FEM1A: variants seen among roughly 807,000 people sequenced by gnomAD.
FEM1A encodes fem-1 homolog A, also known as protein fem-1 homolog A.
FEM1A carries 1 observed loss-of-function variant against 0.7 expected under a neutral mutation model. The ratio of observed to expected loss-of-function variants is 1.35; its 90% CI spans 0.48 to 6.40. The LOEUF (loss-of-function observed/expected upper bound fraction) is 6.40, where lower values mean the gene tolerates loss of function less well. FEM1A is among the 30% of genes most tolerant of loss of function. The probability of loss-of-function intolerance (pLI) is 0.14; values close to 1 mark genes in which losing one functional copy is unlikely to be tolerated. For missense variants in FEM1A, 721 were observed against 918.7 expected (o/e 0.78, Z 2.78); for synonymous variants, 391 against 420.6 (o/e 0.93, Z 0.86).
At position 4,796,042 on chromosome 19, in the gene FEM1A, A is replaced by C. The variant is rs2093560707; in HGVS notation, c.*2178A>C. Reference sequence around the variant, plus strand: ...TTGTGTAAAATTTCATTTGAAAAACAGTATGTTGCTCTTTGAAAAAAAGCC... The same window carrying C: ...TTGTGTAAAATTTCATTTGAAAAACCGTATGTTGCTCTTTGAAAAAAAGCC... On this transcript the variant is annotated 3_prime_UTR_variant, in exon 1 of 1. Coordinates refer to ENST00000269856, the MANE Select transcript of FEM1A (RefSeq NM_018708.3). 1.3e-5 allele frequency: 2 copies of C among 152,080 alleles called. No homozygotes were observed. The highest frequency in any genetic ancestry group is 1.3e-4 in the Admixed American group (2 of 15,250). 9.4% of individuals were successfully genotyped at this position (152,080 alleles called of 1,614,324 possible).
rs773971419 is a variant in FEM1A at position 4,792,712 on chromosome 19, C to G, written c.858C>G (p.Tyr286Ter). The change falls in exon 1 of 1, where the codon TAC becomes TAG. Residue 286 changes from tyrosine to a stop codon, truncating the protein, a stop_gained. Transcript: ENST00000269856. LOFTEE classifies it low-confidence loss of function (END_TRUNC). The surrounding 1 kb of genome is among the most constrained non-coding windows in gnomAD (Gnocchi z 6.7). ...SPEEPLNGESYESCCPTSREA... is the reference protein window; with the variant it reads ...SPEEPLNGES ...AGGAACCACTGAACGGGGAATCTTA[C>G]GAAAGCTGCTGTCCCACCAGCCGGG... 1.3e-5 allele frequency: 21 copies of G among 1,611,970 alleles called. No homozygotes were observed. Among genetic ancestry groups the G allele is most frequent in the East Asian group, 6.7e-5 (3 of 44,892 alleles).
Position 4,792,433 on chromosome 19 carries a change from C to T in FEM1A, c.579C>T (p.Ser193=), listed in dbSNP as rs761247518. The T allele has an allele frequency of 2.1e-5, 34 of 1,596,066 alleles. No individual in the cohort carries two copies. The highest frequency in any genetic ancestry group is 5.9e-6 in the Non-Finnish European group (7 of 1,179,512). Residue 193 remains serine, a synonymous_variant, in exon 1 of 1, where the codon TCC becomes TCT. Coordinates refer to ENST00000269856, the MANE Select transcript of FEM1A (RefSeq NM_018708.3). The surrounding 1 kb of genome is among the most constrained non-coding windows in gnomAD (Gnocchi z 6.7). The part of the protein sequence containing the change: ...GNTALHDCAE[S]GSLEILQLLL... The stretch of plus-strand genomic sequence containing the variant: ...CGGCCCTGCATGACTGCGCCGAGTC[C>T]GGCAGCCTGGAGATCCTGCAGCTGC...
rs111468577 is a variant in FEM1A at position 4,795,378 on chromosome 19, ATT to A, written c.*1528_*1529del. On this transcript the variant is annotated 3_prime_UTR_variant, in exon 1 of 1. Transcript: ENST00000269856. ...TGGATGGAAACTAGGTCTCGTTTGG[ATT>A]TTTTTTTTTTTTTGCCGTGTTAGGA... 24 of 154,910 alleles carry A rather than the reference ATT, an allele frequency of 1.5e-4. No homozygotes were observed. Among genetic ancestry groups the A allele is most frequent in the African/African-American group, 7.8e-5 (3 of 38,390 alleles). 9.6% of individuals were successfully genotyped at this position (154,910 alleles called of 1,614,324 possible).
At position 4,795,603 on chromosome 19, in the gene FEM1A, C is replaced by CG. The variant is rs2093560270; in HGVS notation, c.*1741dup. On this transcript the variant is annotated 3_prime_UTR_variant, in exon 1 of 1. Coordinates refer to ENST00000269856, the MANE Select transcript of FEM1A (RefSeq NM_018708.3). ...CTTGGCGTGGGTTAACTGGGGAAGT[C>CG]GGAGGTGGGTGAGTCAGTCCATGGC... The CG allele has an allele frequency of 6.0e-6, 1 of 166,444 alleles. No individual in the cohort carries two copies. Among genetic ancestry groups the CG allele is most frequent in the South Asian group, 2.1e-4 (1 of 4,806 alleles). The allele number at this position is 166,444 out of a possible 1,614,324, so 10.3% of individuals were successfully genotyped here. A position where few individuals can be genotyped will look rare whatever the true frequency, so the allele number is the denominator to read the frequency against.
At position 4,799,872 on chromosome 19, in the gene FEM1A, T is replaced by G. The variant is rs372341089; in HGVS notation, c.*6008T>G. The G allele has an allele frequency of 5.8e-5, 6 of 103,410 alleles. No individual in the cohort carries two copies. In the East Asian group the frequency reaches 1.5e-3, roughly 27 times the overall value. 6.4% of individuals were successfully genotyped at this position (103,410 alleles called of 1,614,324 possible). On this transcript the variant is annotated 3_prime_UTR_variant, in exon 1 of 1. Coordinates refer to ENST00000269856, the MANE Select transcript of FEM1A (RefSeq NM_018708.3). The stretch of plus-strand genomic sequence containing the variant: ...GTGAGCCGAGATCGCGCCACTGCAC[T>G]CCAGCCTGGGTGACATAGCAAGACT...
Position 4,799,421 on chromosome 19 carries a change from AAC to A in FEM1A, c.*5559_*5560del. 6.7e-6 allele frequency: 1 copy of A among 149,456 alleles called. No individual in the cohort carries two copies. The highest frequency in any genetic ancestry group is 1.4e-5 in the Non-Finnish European group (1 of 71,204). The allele number at this position is 149,456 out of a possible 1,614,324, so 9.3% of individuals were successfully genotyped here. ...AGAGCAAGACTCTGTCTCAAAACAA[AAC>A]AAAACAAACAAACAAACAAACAAAC... is the stretch of plus-strand genomic sequence containing the variant. On this transcript the variant is annotated 3_prime_UTR_variant, in exon 1 of 1. Coordinates refer to ENST00000269856, the MANE Select transcript of FEM1A (RefSeq NM_018708.3).
chr19:4,797,774 A>C lies in FEM1A; in HGVS notation c.*3910A>C. ...CAAAGTGAGATCCTGTCTCTACAAAAAAAAAAAAAAAAAAAAATTAGCCAT... is the reference window on the plus strand; with the variant it reads ...CAAAGTGAGATCCTGTCTCTACAAACAAAAAAAAAAAAAAAAATTAGCCAT... On this transcript the variant is annotated 3_prime_UTR_variant, in exon 1 of 1. Transcript: ENST00000269856. 7.2e-6 allele frequency: 1 copy of C among 139,294 alleles called. No individual in the cohort carries two copies. The highest frequency in any genetic ancestry group is 2.1e-4 in the South Asian group (1 of 4,678). 8.6% of individuals were successfully genotyped at this position (139,294 alleles called of 1,614,324 possible).
At position 4,791,918 on chromosome 19, in the gene FEM1A, C is replaced by T. The variant is rs182924914; in HGVS notation, c.64C>T (p.Leu22=). The T allele has an allele frequency of 1.6e-3, 2,408 of 1,525,452 alleles. 25 individuals are homozygous for T. The African/African-American group carries it at 0.027, about 17-fold the overall frequency. The allele number at this position is 1,525,452 out of a possible 1,614,324, so 94.5% of individuals were successfully genotyped here. The part of the protein sequence containing the change: ...RDGKLQLLQK[L]LSGRSREELD... ...TGGCAAGCTGCAGCTGCTCCAGAAG[C>T]TGCTCAGCGGCCGGAGCCGGGAGGA... Residue 22 remains leucine, a synonymous_variant, in exon 1 of 1, where the codon CTG becomes TTG. Coordinates refer to ENST00000269856, the MANE Select transcript of FEM1A (RefSeq NM_018708.3).
In FEM1A at chr19:4,792,260, G is replaced by T. The variant is rs2093555336; in HGVS notation, c.406G>T (p.Val136Phe). ...DGHLEVVRYL[V>F]GEHQADLEVA... ...CCACCTGGAGGTGGTGCGCTACCTG[G>T]TCGGCGAGCACCAGGCCGACCTGGA... The change falls in exon 1 of 1, where the codon GTC (valine) becomes TTC (phenylalanine). Residue 136 changes from valine (V) to phenylalanine (F), a missense_variant. By Grantham distance (50) the Val-to-Phe change is conservative. This residue lies in a region of FEM1A where 195 missense variants were observed against 316.9 expected (regional missense o/e 0.62). Coordinates refer to ENST00000269856, the MANE Select transcript of FEM1A (RefSeq NM_018708.3). The surrounding 1 kb of genome is among the most constrained non-coding windows in gnomAD (Gnocchi z 6.7). The T allele has an allele frequency of 6.5e-7, 1 of 1,544,164 alleles. No individual in the cohort carries two copies. Among genetic ancestry groups the T allele is most frequent in the Non-Finnish European group, 8.7e-7 (1 of 1,149,254 alleles).
chr19:4,793,516 C>T lies in FEM1A; in HGVS notation c.1662C>T (p.Pro554=), dbSNP rs781313357. The change falls in exon 1 of 1, where the codon CCC becomes CCT. Residue 554 remains proline, a synonymous_variant. Transcript: ENST00000269856. This position sits in a 1 kb window ranked among gnomAD's most constrained non-coding sequence, Gnocchi z 5.1. ...DKDTTNVGRY[P]VGRFPSLHVV... Reference sequence around the variant, plus strand: ...ACACCACAAACGTGGGCCGCTATCCCGTGGGCAGATTCCCCTCCCTGCACG... The same window carrying T: ...ACACCACAAACGTGGGCCGCTATCCTGTGGGCAGATTCCCCTCCCTGCACG... The T allele has an allele frequency of 5.6e-6, 9 of 1,612,936 alleles. No homozygotes were observed. Among genetic ancestry groups the T allele is most frequent in the Middle Eastern group, 1.9e-4 (1 of 5,322 alleles).
rs905614936 is a variant in FEM1A, at chr19:4,794,885, G to T, written c.*1021G>T. The T allele has an allele frequency of 1.1e-4, 19 of 166,458 alleles. No individual in the cohort carries two copies. The allele number at this position is 166,458 out of a possible 1,614,324, so 10.3% of individuals were successfully genotyped here. On this transcript the variant is annotated 3_prime_UTR_variant, in exon 1 of 1. Transcript: ENST00000269856. ...CAAAGAACTGGCACAATTGGTTTGG[G>T]TCTGCATTGCCATAGTGCCCGAGTT...
In FEM1A at chr19:4,793,078, C is replaced by A; in HGVS notation, c.1224C>A (p.Arg408=). ...AVYADSGNFE[R]CIRLWKYALD... ...ACGCCGACTCGGGCAATTTCGAGCG[C>A]TGCATCCGCTTGTGGAAGTACGCCC... The change falls in exon 1 of 1, where the codon CGC becomes CGA. Residue 408 remains arginine, a synonymous_variant. Transcript: ENST00000269856. The surrounding 1 kb of genome is among the most constrained non-coding windows in gnomAD (Gnocchi z 5.1). The A allele has an allele frequency of 6.2e-7, 1 of 1,613,636 alleles. No individual in the cohort carries two copies. Among genetic ancestry groups the A allele is most frequent in the South Asian group, 1.1e-5 (1 of 91,070 alleles).
chr19:4,793,541 G>T lies in FEM1A; in HGVS notation c.1687G>T (p.Val563Leu), dbSNP rs548570305. The change falls in exon 1 of 1, where the codon GTG (valine) becomes TTG (leucine). Residue 563 changes from valine to leucine, a missense_variant. Transcript: ENST00000269856. This position sits in a 1 kb window ranked among gnomAD's most constrained non-coding sequence, Gnocchi z 5.1. ...CGTGGGCAGATTCCCCTCCCTGCAC[G>T]TGGTCAAAGTGCTGCTCGACTGCGG... is the stretch of plus-strand genomic sequence containing the variant. ...YPVGRFPSLH[V>L]VKVLLDCGAD... 6.2e-7 allele frequency: 1 copy of T among 1,613,062 alleles called. No individual in the cohort carries two copies.
Position 4,793,458 on chromosome 19 carries a change from G to C in FEM1A, c.1604G>C (p.Gly535Ala). Residue 535 changes from glycine (G) to alanine (A), a missense_variant, in exon 1 of 1, where the codon GGC becomes GCC. By Grantham distance (60) the Gly-to-Ala change is moderately conservative. Around this residue, in one of 4 missense-constraint regions of FEM1A, gnomAD observed 379 missense variants for 454.8 expected, o/e 0.83. Transcript: ENST00000269856. This position sits in a 1 kb window ranked among gnomAD's most constrained non-coding sequence, Gnocchi z 5.1. ...AAGTGCGCGCCCAGGGGCAAGAACGGCTTCACCCCTCTGCACATGGCTGTG... is the reference window on the plus strand; with the variant it reads ...AAGTGCGCGCCCAGGGGCAAGAACGCCTTCACCCCTCTGCACATGGCTGTG... The part of the protein sequence containing the change: ...LLKCAPRGKN[G>A]FTPLHMAVDK... 6.2e-7 allele frequency: 1 copy of C among 1,612,436 alleles called. No homozygotes were observed. Among genetic ancestry groups the C allele is most frequent in the Non-Finnish European group, 8.5e-7 (1 of 1,179,858 alleles).
chr19:4,794,310 TG>T lies in FEM1A; in HGVS notation c.*451del. On this transcript the variant is annotated 3_prime_UTR_variant, in exon 1 of 1. Coordinates refer to ENST00000269856, the MANE Select transcript of FEM1A (RefSeq NM_018708.3). Reference sequence around the variant, plus strand: ...CAGCCGCTGAATACAGTGTTAGGACTGGGGGCTCCTGAGATGAGAGTTTGAG... The same window carrying T: ...CAGCCGCTGAATACAGTGTTAGGACTGGGGCTCCTGAGATGAGAGTTTGAG... 5.3e-6 allele frequency: 1 copy of T among 187,940 alleles called. No individual in the cohort carries two copies. Among genetic ancestry groups the T allele is most frequent in the South Asian group, 1.3e-4 (1 of 7,998 alleles). 11.6% of individuals were successfully genotyped at this position (187,940 alleles called of 1,614,324 possible). A position where few individuals can be genotyped will look rare whatever the true frequency, so the allele number is the denominator to read the frequency against.
Position 4,792,964 on chromosome 19 carries a change from G to A in FEM1A, c.1110G>A (p.Met370Ile). Residue 370 changes from methionine (M) to isoleucine (I), a missense_variant, in exon 1 of 1, where the codon ATG becomes ATA. Physicochemically the swap from Met to Ile is conservative, Grantham distance 10. Transcript: ENST00000269856. The surrounding 1 kb of genome is among the most constrained non-coding windows in gnomAD (Gnocchi z 6.7). ...LEALITDPDE[M>I]RMQALLIRER... ...CGCTGATCACCGACCCGGATGAGAT[G>A]CGCATGCAGGCCCTGTTGATCCGGG... 3 of 1,612,834 alleles carry A rather than the reference G, an allele frequency of 1.9e-6. No homozygotes were observed. Among genetic ancestry groups the A allele is most frequent in the Non-Finnish European group, 2.5e-6 (3 of 1,179,956 alleles).
Position 4,794,160 on chromosome 19 carries a change from A to G in FEM1A, c.*296A>G. ...CACATCCTGTCTGCCTGGGTTAGGG[A>G]GGCCTTTGCCTTGTTACCTAGAGGC... On this transcript the variant is annotated 3_prime_UTR_variant, in exon 1 of 1. Transcript: ENST00000269856. The G allele has an allele frequency of 2.5e-6, 1 of 401,632 alleles. No homozygotes were observed. The highest frequency in any genetic ancestry group is 4.8e-6 in the Non-Finnish European group (1 of 209,166). The allele number at this position is 401,632 out of a possible 1,614,324, so 24.9% of individuals were successfully genotyped here.
Position 4,796,989 on chromosome 19 carries a change from T to C in FEM1A, c.*3125T>C. On this transcript the variant is annotated 3_prime_UTR_variant, in exon 1 of 1. Transcript: ENST00000269856. ...AGCTGTCTCCTGGGAGACACAGTACTAGTGAGCATTTATTGAGCACCTACT... is the reference window on the plus strand; with the variant it reads ...AGCTGTCTCCTGGGAGACACAGTACCAGTGAGCATTTATTGAGCACCTACT... The C allele has an allele frequency of 6.6e-6, 1 of 152,250 alleles. No individual in the cohort carries two copies. Among genetic ancestry groups the C allele is most frequent in the Non-Finnish European group, 1.5e-5 (1 of 68,042 alleles). 9.4% of individuals were successfully genotyped at this position (152,250 alleles called of 1,614,324 possible).
rs760860461 is a variant in FEM1A, at chr19:4,793,054, C to T, written c.1200C>T (p.Tyr400=). The T allele has an allele frequency of 2.2e-5, 35 of 1,613,442 alleles. No individual in the cohort carries two copies. Among genetic ancestry groups the T allele is most frequent in the African/African-American group, 1.9e-4 (14 of 74,902 alleles). The stretch of plus-strand genomic sequence containing the variant: ...ACATCCGTTACAGGGGTGCCGTGTA[C>T]GCCGACTCGGGCAATTTCGAGCGCT... ...SYYIRYRGAV[Y]ADSGNFERCI... is the part of the protein sequence containing the mutation. The change falls in exon 1 of 1, where the codon TAC becomes TAT. Residue 400 remains tyrosine (Y), a synonymous_variant. Transcript: ENST00000269856. This position sits in a 1 kb window ranked among gnomAD's most constrained non-coding sequence, Gnocchi z 5.1.
Sources: gnomAD v4.1 joint callset for allele counts on GRCh38, gnomAD v4.1.1 for gene constraint, gnomAD v4.1.1 regional missense constraint, Gnocchi (gnomAD v3.1) non-coding constraint, MANE v1.5 for transcripts, NCBI Gene and HGNC (gene_info 2026-07-23, HGNC 2026-07-21) for gene names.